The following MYOM3 variants were observed in gnomAD, a reference collection of about 807,000 sequenced individuals.
MYOM3 encodes myomesin 3.
Under a neutral mutation model 191.7 loss-of-function variants are expected in MYOM3, and 155 were observed. That is an observed-to-expected ratio of 0.81 (90% CI 0.71 to 0.92). MYOM3 has a LOEUF of 0.92. Ranked by LOEUF, MYOM3 falls within the 40% of genes least tolerant of loss-of-function variation. MYOM3 has a pLI of 0.00. For missense variants in MYOM3, 1,889 were observed against 1,890.6 expected (o/e 1.00, Z 0.02); for synonymous variants, 757 against 762.9 (o/e 0.99, Z 0.13).
In MYOM3 at chr1:24,108,165, G is replaced by A; in HGVS notation, c.162-92C>T. ...CTGCATCTGCCCACCTCAGCCTCAG[G>A]GCACCAGCAGGCAGGGCTGTGCCTC... On this transcript the variant is annotated intron_variant, in intron 2 of 36. Transcript: ENST00000374434. 2.5e-6 allele frequency: 3 copies of A among 1,205,364 alleles called. No homozygotes were observed. In the South Asian group the frequency reaches 4.3e-5, roughly 17 times the overall value. 74.7% of individuals were successfully genotyped at this position (1,205,364 alleles called of 1,614,324 possible). A position where few individuals can be genotyped will look rare whatever the true frequency, so the allele number is the denominator to read the frequency against.
intron 36 of MYOM3, among the ~76,000 whole-genome samples, chr1:24,058,521 A>G (rs1328346628): frequency 1.3e-5 from 2 of 152,214 alleles, no homozygotes; most frequent in Non-Finnish European, 2.9e-5. Flanking sequence ...AAGAAGCTCA[A>G]AAAGATAATA....
chr1:24,068,338 CTT>C lies in MYOM3; in HGVS notation c.3178_3179del (p.Lys1060GlyfsTer12). 1 of 1,614,114 alleles carries C rather than the reference CTT, an allele frequency of 6.2e-7. No individual in the cohort carries two copies. ...TCTGGATGATCACTTCCACCAGGCCCTTCTCTCGGTCAAAATTGATTTTGCGG... is the reference window on the plus strand; with the variant it reads ...TCTGGATGATCACTTCCACCAGGCCCCTCTCGGTCAAAATTGATTTTGCGG... Reference protein sequence around the residue: ...PNRKINFDREKGLVEVIIQNL... With the variant: ...PNRKINFDREXGLVEVIIQNL... On this transcript the variant is annotated frameshift_variant, in exon 26 of 37. Transcript: ENST00000374434. LOFTEE classifies it high-confidence loss of function.
Position 24,111,812 on chromosome 1 carries a change from C to T in MYOM3, c.-19+219G>A, listed in dbSNP as rs1374571100. Among the ~76,000 whole-genome samples the T allele has an allele frequency of 6.6e-6, 1 of 151,648 alleles. No individual in the cohort carries two copies. The highest frequency in any genetic ancestry group is 2.4e-5 in the African/African-American group (1 of 41,208). On this transcript the variant is annotated intron_variant, in intron 1 of 36. Coordinates refer to ENST00000374434, the MANE Select transcript of MYOM3 (RefSeq NM_152372.4). This position sits in a 1 kb window ranked among gnomAD's most constrained non-coding sequence, Gnocchi z 4.7. ...TCAGAAGACCCAGGGCCACACAGAA[C>T]AGTGGGATGGGGCAGGGGTTTCTGG...
At chr1:24,109,808 A>G (rs796702900) in intron 1 of MYOM3, among the ~76,000 whole-genome samples, 13 of 152,240 alleles carry the variant, frequency 8.5e-5, no homozygotes, top group African/African-American at 1.9e-4. Flanking sequence ...AGCCCTTCTG[A>G]TCTCTATGTC....
intron 22 of MYOM3, 98 bp from the exon 23 acceptor site, chr1:24,074,367 C>A: frequency 1.2e-6 from 1 of 844,730 alleles, no homozygotes; most frequent in East Asian, 2.5e-5. Flanking sequence ...TCTGGTGAGC[C>A]TGTACCCCAA....
intron 1 of MYOM3, among the ~76,000 whole-genome samples, chr1:24,110,441 C>T (rs762666092): frequency 2.0e-5 from 3 of 152,118 alleles, no homozygotes; most frequent in Non-Finnish European, 4.4e-5. Context: ...GTGACCATTT[C>T]TCTAAGTCCA....
intron 5 of MYOM3, among the ~76,000 whole-genome samples, chr1:24,100,429 A>T (rs1643903807): frequency 6.6e-6 from 1 of 152,056 alleles, no homozygotes; most frequent in South Asian, 2.1e-4. Context: ...CCCCCTACCA[A>T]GCCATCCCCA....
At chr1:24,098,524 T>A (rs1386077212) in intron 6 of MYOM3, among the ~76,000 whole-genome samples, 2 of 152,182 alleles carry the variant, frequency 1.3e-5, no homozygotes, top group African/African-American at 4.8e-5. Flanking sequence ...ATGTTCCCAG[T>A]GGAAGCCTGG....
intron 5 of MYOM3, 152 bp downstream of exon 5, chr1:24,105,768 G>A (rs1287327336): frequency 1.6e-5 from 12 of 754,450 alleles, no homozygotes; most frequent in Non-Finnish European, 2.5e-5. Flanking sequence ...AAATAACCCA[G>A]GCCTGGTTCC....
chr1:24,085,454 T>G (rs1460954642), intron 15 of MYOM3, among the ~76,000 whole-genome samples: 2 of 152,208 alleles, frequency 1.3e-5, no homozygotes, highest in African/African-American at 2.4e-5. Flanking sequence ...AGTTCTCTTT[T>G]TATTTCTAAA....
intron 5 of MYOM3, among the ~76,000 whole-genome samples, chr1:24,100,467 T>C (rs377542908): frequency 1.3e-5 from 2 of 152,286 alleles, no homozygotes; most frequent in South Asian, 2.1e-4. Context: ...GGCCCCAGCT[T>C]TTCCCTTCCC....
At chr1:24,084,256 TCTCCTG>T in intron 16 of MYOM3, 1 of 562,864 alleles carries the variant, frequency 1.8e-6, no homozygotes, top group Non-Finnish European at 3.2e-6. Flanking sequence ...TCTTTCTCCC[TCTCCTG>T]CTCCCGCCAT....
intron 22 of MYOM3, among the ~76,000 whole-genome samples, chr1:24,074,872 C>T (rs561549618): frequency 6.6e-6 from 1 of 152,194 alleles, no homozygotes; most frequent in Non-Finnish European, 1.5e-5. Flanking sequence ...ATTGGTTGAG[C>T]TCAGGAGTTA....
chr1:24,075,395 A>G lies in MYOM3; in HGVS notation c.2782T>C (p.Ser928Pro). 2.5e-6 allele frequency: 4 copies of G among 1,612,732 alleles called. No homozygotes were observed. Among genetic ancestry groups the G allele is most frequent in the Non-Finnish European group, 3.4e-6 (4 of 1,179,694 alleles). ...AFEAPEAPDS[S>P]EFQWSKDYKG... Reference sequence around the variant, plus strand: ...TAGTCTTTGGACCACTGAAACTCTGAGGAGTCGGGGGCTTCAGGGGCTTCA... The same window carrying G: ...TAGTCTTTGGACCACTGAAACTCTGGGGAGTCGGGGGCTTCAGGGGCTTCA... Residue 928 changes from serine to proline, a missense_variant, in exon 22 of 37, where the codon TCA (serine) becomes CCA (proline). By Grantham distance (74) the Ser-to-Pro change is moderately conservative. Coordinates refer to ENST00000374434, the MANE Select transcript of MYOM3 (RefSeq NM_152372.4).
chr1:24,091,607 C>G (rs141081501), intron 11 of MYOM3, among the ~76,000 whole-genome samples: 9 of 152,308 alleles, frequency 5.9e-5, no homozygotes, highest in Middle Eastern at 3.4e-3. Context: ...ACTTTGGTTT[C>G]CCCATCTATA....
At chr1:24,095,133 G>A in intron 8 of MYOM3, 143 bp from the exon 9 acceptor site, 1 of 889,266 alleles carries the variant, frequency 1.1e-6, no homozygotes, top group South Asian at 1.8e-5. Context: ...GGTAGGAGGG[G>A]AAGAGACTTA....
chr1:24,095,896 G>A (rs1175443571), intron 7 of MYOM3, among the ~76,000 whole-genome samples: 1 of 152,126 alleles, frequency 6.6e-6, no homozygotes, highest in East Asian at 1.9e-4. Context: ...AGGCATCCAG[G>A]GGCTGAAGGG....
intron 17 of MYOM3, 129 bp downstream of exon 17, chr1:24,082,464 T>C: frequency 7.7e-7 from 1 of 1,290,394 alleles, no homozygotes; most frequent in Non-Finnish European, 1.0e-6. Flanking sequence ...CAGGGCCAGC[T>C]CCAGTTTCCC....
At chr1:24,103,782 T>C (rs1363282686) in intron 5 of MYOM3, among the ~76,000 whole-genome samples, 1 of 152,200 alleles carries the variant, frequency 6.6e-6, no homozygotes, top group Non-Finnish European at 1.5e-5. Context: ...CTTTGTTTCA[T>C]GCTTCTGTAA....
Sources: allele counts gnomAD v4.1 joint callset (sites outside exome capture counted in the v4.1 genomes callset), GRCh38; gene constraint gnomAD v4.1.1; non-coding constraint Gnocchi (gnomAD v3.1); transcripts MANE v1.5; gene names NCBI Gene and HGNC (gene_info 2026-07-23, HGNC 2026-07-21).